Variants in RASEF observed in about 807,000 individuals in gnomAD.
The protein encoded by RASEF is RAS and EF-hand domain containing.
In RASEF, 68 loss-of-function variants were observed where a neutral mutation model predicts 90.1. That is an observed-to-expected ratio of 0.75 (90% confidence interval 0.62 to 0.92). RASEF has a LOEUF of 0.92. RASEF is among the 40% of genes least tolerant of loss of function. The probability of loss-of-function intolerance (pLI) is 0.00; values close to 1 mark genes in which losing one functional copy is unlikely to be tolerated. For synonymous variants in RASEF, 331 were observed against 345.2 expected (o/e 0.96, Z 0.46); for missense variants, 949 against 937.2 (o/e 1.01, Z -0.16).
At chr9:83,000,594 G>A (rs1564072512) in intron 10 of RASEF, 24 bp from the exon 11 acceptor site, 1 of 1,570,874 alleles carries the variant, frequency 6.4e-7, no homozygotes, top group East Asian at 2.2e-5. Flanking sequence ...AATGTCAGCA[G>A]TTAAATTAAA....
At chr9:83,067,024 C>T (rs1003573718), upstream of RASEF, among the ~76,000 whole-genome samples, 3 of 152,140 alleles carry the variant, frequency 2.0e-5, no homozygotes, top group Admixed American at 6.5e-5. Context: ...CTTCCCATAA[C>T]GGGAATGAGC....
At chr9:82,990,505 T>A in intron 15 of RASEF, 38 bp from the exon 16 acceptor site, 1 of 1,450,844 alleles carries the variant, frequency 6.9e-7, no homozygotes, top group Non-Finnish European at 9.6e-7. Context: ...ATGAAGCCCT[T>A]CATTGAGTTT....
the RASEF span, among the ~76,000 whole-genome samples, chr9:83,123,179 G>A: frequency 2.0e-5 from 3 of 149,186 alleles, no homozygotes; most frequent in Non-Finnish European, 3.0e-5. Flanking sequence ...GGCAGAGGTT[G>A]CAGTGGGCCC....
the RASEF span, among the ~76,000 whole-genome samples, chr9:83,180,080 T>C: frequency 1.3e-5 from 2 of 152,198 alleles, no homozygotes; most frequent in Non-Finnish European, 2.9e-5. Flanking sequence ...TTTCACTATA[T>C]GCCTGTTTAT....
the RASEF span, among the ~76,000 whole-genome samples, chr9:83,161,694 GAT>G: frequency 1.3e-4 from 19 of 151,380 alleles, no homozygotes; most frequent in African/African-American, 4.1e-4. Context: ...GGGGCCAAAT[GAT>G]AGTTTGGCTG....
At chr9:83,014,459 T>A (rs1211126868) in intron 4 of RASEF, among the ~76,000 whole-genome samples, 1 of 152,110 alleles carries the variant, frequency 6.6e-6, no homozygotes, top group South Asian at 2.1e-4. Context: ...TGCTACCACA[T>A]GCAGTTAATT....
At chr9:83,040,061 G>A (rs1441005040) in intron 1 of RASEF, among the ~76,000 whole-genome samples, 9 of 152,170 alleles carry the variant, frequency 5.9e-5, no homozygotes, top group South Asian at 2.1e-4. Flanking sequence ...ATAAAGGGCC[G>A]TTCCCCTACA....
intron 1 of RASEF, among the ~76,000 whole-genome samples, chr9:83,057,406 G>C (rs1053674831): frequency 3.3e-5 from 5 of 152,182 alleles, no homozygotes; most frequent in African/African-American, 1.2e-4. Flanking sequence ...ATGAGCTGTA[G>C]TTATCAAGAG....
the RASEF span, among the ~76,000 whole-genome samples, chr9:83,173,012 ATATAG>A: frequency 6.6e-6 from 1 of 152,020 alleles, no homozygotes; most frequent in African/African-American, 2.4e-5. Flanking sequence ...GCTTTGCTGG[ATATAG>A]TATACTTGGT....
At chr9:83,080,353 T>C in the RASEF span, among the ~76,000 whole-genome samples, 1 of 152,246 alleles carries the variant, frequency 6.6e-6, no homozygotes, top group Non-Finnish European at 1.5e-5. Flanking sequence ...CATACAGATA[T>C]GGCTGTGCCA....
At chr9:83,091,564 A>C in the RASEF span, among the ~76,000 whole-genome samples, 1 of 152,206 alleles carries the variant, frequency 6.6e-6, no homozygotes, top group Non-Finnish European at 1.5e-5. Flanking sequence ...GAAAAAAATA[A>C]AAATAAAAAT....
rs1042778242 is a variant in RASEF, at chr9:83,058,434, G to A, written c.431+4003C>T. Among the ~76,000 whole-genome samples, 16 of 151,782 alleles carry A rather than the reference G, an allele frequency of 1.1e-4. 1 individual carries two copies. Among genetic ancestry groups the A allele is most frequent in the African/African-American group, 3.6e-4 (15 of 41,306 alleles). ...CCTGACCTCGTGATCCGCCCGCCTC[G>A]GCCTCCCAAAGTGCTGGGATTACAG... On this transcript the variant is annotated intron_variant, in intron 1 of 16. Transcript: ENST00000376447.
chr9:83,093,441 C>T, the RASEF span, among the ~76,000 whole-genome samples: 3 of 152,208 alleles, frequency 2.0e-5, no homozygotes, highest in African/African-American at 4.8e-5. Flanking sequence ...AGCCCTGCCC[C>T]GCGGGAAGGC....
chr9:83,094,054 G>A, the RASEF span, among the ~76,000 whole-genome samples: 1 of 152,126 alleles, frequency 6.6e-6, no homozygotes. Flanking sequence ...CTATTCAGAA[G>A]ATAATGTGCA....
the RASEF span, among the ~76,000 whole-genome samples, chr9:83,139,806 T>G: frequency 2.0e-5 from 3 of 152,222 alleles, no homozygotes; most frequent in Admixed American, 1.3e-4. Flanking sequence ...AACTTCTCTC[T>G]GAATATGAAA....
At chr9:83,166,540 G>C in the RASEF span, among the ~76,000 whole-genome samples, 9 of 152,228 alleles carry the variant, frequency 5.9e-5, no homozygotes, top group East Asian at 1.7e-3. Flanking sequence ...TCACTCCCAC[G>C]CTGACGTAGA....
chr9:83,012,181 T>C (rs971051209), intron 5 of RASEF, among the ~76,000 whole-genome samples: 2 of 152,214 alleles, frequency 1.3e-5, no homozygotes, highest in Non-Finnish European at 2.9e-5. Flanking sequence ...GGGTTAACTG[T>C]GTTACATAAA....
chr9:83,093,741 G>A, the RASEF span, among the ~76,000 whole-genome samples: 8 of 152,246 alleles, frequency 5.3e-5, no homozygotes, highest in Non-Finnish European at 1.2e-4. Flanking sequence ...GGCCAGCCCA[G>A]AAAGGGGCTC....
chr9:83,105,552 T>C, the RASEF span, among the ~76,000 whole-genome samples: 1 of 152,186 alleles, frequency 6.6e-6, no homozygotes, highest in Non-Finnish European at 1.5e-5. Flanking sequence ...ACAGAAGTGA[T>C]TAACTGAAAA....
Sources: allele counts gnomAD v4.1 joint callset (sites outside exome capture counted in the v4.1 genomes callset), GRCh38; gene constraint gnomAD v4.1.1; transcripts MANE v1.5; gene names NCBI Gene and HGNC (gene_info 2026-07-23, HGNC 2026-07-21).